TIRAP: variants seen among roughly 807,000 people sequenced by gnomAD.
TIRAP encodes the protein toll/interleukin-1 receptor domain-containing adapter protein.
TIRAP carries 20 observed loss-of-function variants against 19.8 expected under a neutral mutation model. The observed-to-expected ratio is 1.01, with a 90% CI of 0.71 to 1.47. The LOEUF (loss-of-function observed/expected upper bound fraction) is 1.47, where lower values mean the gene tolerates loss of function less well. Ranked by LOEUF, TIRAP falls within the 40% of genes most tolerant of loss-of-function variation. The pLI is 0.00. For synonymous variants in TIRAP, 125 were observed against 121.7 expected (o/e 1.03, Z -0.18); for missense variants, 276 against 285.1 (o/e 0.97, Z 0.23).
intron 1 of TIRAP, 102 bp downstream of exon 1, chr11:126,283,255 C>A: frequency 1.5e-6 from 1 of 650,190 alleles, no homozygotes; most frequent in African/African-American, 2.0e-5. Flanking sequence ...CCCGGCCCCA[C>A]CGAGAGCCGC....
In TIRAP at chr11:126,294,073, C is replaced by G; in HGVS notation, c.*386C>G. The G allele has an allele frequency of 6.9e-6, 2 of 290,864 alleles. 1 individual carries two copies. The highest frequency in any genetic ancestry group is 7.1e-5 in the South Asian group (2 of 28,144). 18.0% of individuals were successfully genotyped at this position (290,864 alleles called of 1,614,324 possible). On this transcript the variant is annotated 3_prime_UTR_variant, in exon 5 of 5. Coordinates refer to ENST00000392679, the MANE Select transcript of TIRAP (RefSeq NM_001318777.2). ...GAAGCCTGGCACCCACTTCTGTCTT[C>G]CCCTGGAACTGGGCACTGGCGTACA...
chr11:126,285,488 C>T (rs1951311033), intron 1 of TIRAP, among the ~76,000 whole-genome samples: 2 of 151,222 alleles, frequency 1.3e-5, no homozygotes, highest in African/African-American at 2.4e-5. Flanking sequence ...TCTTGAACTC[C>T]TGACCTAGTT....
Position 126,291,046 on chromosome 11 carries a change from TCC to T in TIRAP, c.67+86_67+87del. ...AGGGCGCGGTGGGAGGCCTGCCTGG[TCC>T]AAACTCAGAGAGACGCAGGAAGGCT... On this transcript the variant is annotated intron_variant, in intron 3 of 4. Transcript: ENST00000392679. This position sits in a 1 kb window ranked among gnomAD's most constrained non-coding sequence, Gnocchi z 5.6. The T allele has an allele frequency of 6.8e-7, 1 of 1,471,798 alleles. No individual in the cohort carries two copies. The highest frequency in any genetic ancestry group is 9.1e-7 in the Non-Finnish European group (1 of 1,096,122). The allele number at this position is 1,471,798 out of a possible 1,614,324, so 91.2% of individuals were successfully genotyped here.
rs1408553922 is a variant in TIRAP, at chr11:126,294,508, C to T, written c.*821C>T. ...ATGCTGTGACATCTGGGAGCTTCAT[C>T]AGTGGTCTGGCTAAAGCTGATACTT... On this transcript the variant is annotated 3_prime_UTR_variant, in exon 5 of 5. Transcript: ENST00000392679. 5 of 456,288 alleles carry T rather than the reference C, an allele frequency of 1.1e-5. No individual in the cohort carries two copies. The Admixed American group carries it at 1.2e-4, about 11-fold the overall frequency. The allele number at this position is 456,288 out of a possible 1,614,324, so 28.3% of individuals were successfully genotyped here.
In TIRAP at chr11:126,292,688, T is replaced by C; in HGVS notation, c.279T>C (p.Ser93=). Residue 93 remains serine (S), a synonymous_variant, in exon 4 of 5, where the codon AGT becomes AGC. Coordinates refer to ENST00000392679, the MANE Select transcript of TIRAP (RefSeq NM_001318777.2). ...SKDYDVCVCH[S]EEDLVAAQDL... is the part of the protein sequence containing the mutation. ...ACTATGACGTCTGCGTGTGCCACAG[T>C]GAGGAAGACCTGGTGGCCGCCCAGG... 6.2e-7 allele frequency: 1 copy of C among 1,613,922 alleles called. No individual in the cohort carries two copies. The highest frequency in any genetic ancestry group is 1.1e-5 in the South Asian group (1 of 91,040).
At chr11:126,289,182 CT>C (rs1396073386) in intron 1 of TIRAP, among the ~76,000 whole-genome samples, 1 of 152,192 alleles carries the variant, frequency 6.6e-6, no homozygotes, top group Non-Finnish European at 1.5e-5. Context: ...AGTTCTACTT[CT>C]TTTTTGAACT....
At position 126,283,161 on chromosome 11, in the gene TIRAP, C is replaced by T. The variant is rs1320793315; in HGVS notation, c.-217+8C>T. ...AACTGGGCCCGCGCGCAGGTGAGCCCGGGGCGGGGTCGCGGGGGACCGGGA... is the reference window on the plus strand; with the variant it reads ...AACTGGGCCCGCGCGCAGGTGAGCCTGGGGCGGGGTCGCGGGGGACCGGGA... On this transcript the variant is annotated splice_region_variant and intron_variant, in intron 1 of 4. Transcript: ENST00000392679. 1 of 984,090 alleles carries T rather than the reference C, an allele frequency of 1.0e-6. No individual in the cohort carries two copies. The highest frequency in any genetic ancestry group is 1.2e-6 in the Non-Finnish European group (1 of 829,158). The allele number at this position is 984,090 out of a possible 1,614,324, so 61.0% of individuals were successfully genotyped here.
In TIRAP at chr11:126,294,699, C is replaced by G; in HGVS notation, c.*1012C>G. On this transcript the variant is annotated 3_prime_UTR_variant, in exon 5 of 5. Coordinates refer to ENST00000392679, the MANE Select transcript of TIRAP (RefSeq NM_001318777.2). ...ATTTCCTCCAATGTGTACTTTTGTG[C>G]CCCCCTCTCACTTCTCCCTATCATG... 2.9e-6 allele frequency: 1 copy of G among 350,404 alleles called. No individual in the cohort carries two copies. Among genetic ancestry groups the G allele is most frequent in the Admixed American group, 3.5e-5 (1 of 28,490 alleles). The allele number at this position is 350,404 out of a possible 1,614,324, so 21.7% of individuals were successfully genotyped here.
Position 126,293,711 on chromosome 11 carries a change from G to A in TIRAP, c.*24G>A, listed in dbSNP as rs372725192. ...GACACTTGTTATATCATGGGACCCC[G>A]GAAATTGGAGTGAAGCTAGAAACAG... On this transcript the variant is annotated 3_prime_UTR_variant, in exon 5 of 5. Coordinates refer to ENST00000392679, the MANE Select transcript of TIRAP (RefSeq NM_001318777.2). 1.8e-4 allele frequency: 283 copies of A among 1,614,014 alleles called. 3 individuals are homozygous for A. The South Asian group carries it at 2.7e-3, about 15-fold the overall frequency.
Position 126,293,860 on chromosome 11 carries a change from TAAG to T in TIRAP, c.*178_*180del. On this transcript the variant is annotated 3_prime_UTR_variant, in exon 5 of 5. Coordinates refer to ENST00000392679, the MANE Select transcript of TIRAP (RefSeq NM_001318777.2). ...CAGGCTTCCATTACTGTGGGCTCCC[TAAG>T]AAGACCATGGAGAGCTTGGGGACTC... 2 of 724,310 alleles carry T rather than the reference TAAG, an allele frequency of 2.8e-6. No individual in the cohort carries two copies. The highest frequency in any genetic ancestry group is 4.8e-6 in the Non-Finnish European group (2 of 415,030). 44.9% of individuals were successfully genotyped at this position (724,310 alleles called of 1,614,324 possible).
intron 1 of TIRAP, chr11:126,289,715 C>A (rs1951359136): frequency 1.0e-6 from 1 of 985,352 alleles, no homozygotes; most frequent in Admixed American, 6.2e-5. Context: ...CAGCCTTTCA[C>A]AGGAGAAGTG....
chr11:126,284,033 CT>C (rs749115228), intron 1 of TIRAP, among the ~76,000 whole-genome samples: 69 of 113,166 alleles, frequency 6.1e-4, no homozygotes, highest in Middle Eastern at 0.012. Flanking sequence ...TCATGTACTT[CT>C]TTTTTTTTTT....
At chr11:126,289,479 A>G (rs1239891123) in intron 1 of TIRAP, among the ~76,000 whole-genome samples, 3 of 152,188 alleles carry the variant, frequency 2.0e-5, no homozygotes, top group African/African-American at 7.2e-5. Context: ...GGGTTTTACC[A>G]TGTTGGCCAG....
Position 126,287,764 on chromosome 11 carries a change from A to AT in TIRAP, c.-216-2691dup, listed in dbSNP as rs1459134281. ...ATTCTTTACTAATTTTCTTTTCTTT[A>AT]TTTTTTTGAGATCGAGTCTCGCTCT... On this transcript the variant is annotated intron_variant, in intron 1 of 4. Coordinates refer to ENST00000392679, the MANE Select transcript of TIRAP (RefSeq NM_001318777.2). The surrounding 1 kb of genome is among the most constrained non-coding windows in gnomAD (Gnocchi z 4.2). 6.7e-6 allele frequency among the ~76,000 whole-genome samples: 1 copy of AT among 149,624 alleles called. No homozygotes were observed. The highest frequency in any genetic ancestry group is 1.5e-5 in the Non-Finnish European group (1 of 67,178).
Position 126,290,697 on chromosome 11 carries a change from C to T in TIRAP, c.-92-106C>T. The T allele has an allele frequency of 1.5e-6, 2 of 1,365,636 alleles. No individual in the cohort carries two copies. The highest frequency in any genetic ancestry group is 1.9e-6 in the Non-Finnish European group (2 of 1,062,740). 84.6% of individuals were successfully genotyped at this position (1,365,636 alleles called of 1,614,324 possible). A position where few individuals can be genotyped will look rare whatever the true frequency, so the allele number is the denominator to read the frequency against. ...TGAAAGACCCATTTAGAGAAGAAGC[C>T]TCTGTCAGGCATTAGGAGAGAAACA... On this transcript the variant is annotated intron_variant, in intron 2 of 4. Transcript: ENST00000392679. The surrounding 1 kb of genome is among the most constrained non-coding windows in gnomAD (Gnocchi z 4.9).
Position 126,292,582 on chromosome 11 carries a change from C to T in TIRAP, c.173C>T (p.Pro58Leu). Reference protein sequence around the residue: ...SQPTSQDSPLPPSLSSVTSPS... With the variant: ...SQPTSQDSPLLPSLSSVTSPS... ...CCTACCTCACAGGACAGCCCACTAC[C>T]CCCAAGCCTCAGCTCAGTCACGTCT... The change falls in exon 4 of 5, where the codon CCC becomes CTC. Residue 58 changes from proline (P) to leucine (L), a missense_variant. Transcript: ENST00000392679. 1 of 1,614,204 alleles carries T rather than the reference C, an allele frequency of 6.2e-7. No individual in the cohort carries two copies. Among genetic ancestry groups the T allele is most frequent in the Middle Eastern group, 1.6e-4 (1 of 6,062 alleles).
chr11:126,283,237 C>T (rs1177884902), intron 1 of TIRAP, 84 bp downstream of exon 1: 1 of 778,748 alleles, frequency 1.3e-6, no homozygotes, highest in Non-Finnish European at 1.6e-6. Flanking sequence ...CGGCCTGGGC[C>T]CCAGAGTCCC....
rs1455304756 is a variant in TIRAP at position 126,290,817 on chromosome 11, G to A, written c.-78G>A. ...ACCCTCTGTAGGATGGCTGCTCCAT[G>A]AGGTCAAGACTGGGTCTCCTCCCTC... On this transcript the variant is annotated 5_prime_UTR_variant, in exon 3 of 5. An upstream start codon of the reference 5' UTR is lost. Coordinates refer to ENST00000392679, the MANE Select transcript of TIRAP (RefSeq NM_001318777.2). The surrounding 1 kb of genome is among the most constrained non-coding windows in gnomAD (Gnocchi z 4.9). The A allele has an allele frequency of 5.9e-6, 9 of 1,525,824 alleles. No homozygotes were observed. The highest frequency in any genetic ancestry group is 2.4e-5 in the Admixed American group (1 of 41,686). The allele number at this position is 1,525,824 out of a possible 1,614,324, so 94.5% of individuals were successfully genotyped here.
rs1951438487 is a variant in TIRAP, at chr11:126,293,769, T to G, written c.*82T>G. Reference sequence around the variant, plus strand: ...ATGCAGGGCCTCGGATTCCCACAAATGTGACAAGAGGTATAGGGAGTGAGT... The same window carrying G: ...ATGCAGGGCCTCGGATTCCCACAAAGGTGACAAGAGGTATAGGGAGTGAGT... On this transcript the variant is annotated 3_prime_UTR_variant, in exon 5 of 5. Transcript: ENST00000392679. 6.7e-7 allele frequency: 1 copy of G among 1,500,670 alleles called. No individual in the cohort carries two copies. The highest frequency in any genetic ancestry group is 1.4e-5 in the African/African-American group (1 of 72,714). 93.0% of individuals were successfully genotyped at this position (1,500,670 alleles called of 1,614,324 possible). A position where few individuals can be genotyped will look rare whatever the true frequency, so the allele number is the denominator to read the frequency against.
Sources: gnomAD v4.1 joint callset for allele counts (sites outside exome capture counted in the v4.1 genomes callset) on GRCh38, gnomAD v4.1.1 for gene constraint, Gnocchi (gnomAD v3.1) non-coding constraint, MANE v1.5 for transcripts, NCBI Gene and HGNC (gene_info 2026-07-23, HGNC 2026-07-21) for gene names.